The following NECAP2 variants were observed in gnomAD, a reference collection of about 807,000 sequenced individuals.
NECAP2 encodes the protein NECAP endocytosis associated 2.
A neutral mutation model predicts 37.8 loss-of-function variants in NECAP2; 38 were observed. The observed-to-expected ratio is 1.01, with a 90% confidence interval of 0.78 to 1.32. NECAP2 has a LOEUF of 1.32. NECAP2 is among the 40% of genes most tolerant of loss of function. NECAP2 has a pLI of 0.00. For synonymous variants in NECAP2, 121 were observed against 127.7 expected, an observed-to-expected ratio of 0.95 and a Z score of 0.35; for missense variants, 316 against 334.5, an observed-to-expected ratio of 0.94 and a Z score of 0.43.
At chr1:16,455,463 A>T in intron 6 of NECAP2, 1 of 232,650 alleles carries the variant, frequency 4.3e-6, no homozygotes, top group Non-Finnish European at 8.6e-6. Context: ...GACGGGTTAT[A>T]GTAAATTTTA....
chr1:16,456,858 T>C (rs2086928116), intron 7 of NECAP2, among the ~76,000 whole-genome samples: 1 of 152,168 alleles, frequency 6.6e-6, no homozygotes, highest in Admixed American at 6.5e-5. Flanking sequence ...CACATCACCA[T>C]GCCAGCTATT....
intron 2 of NECAP2, among the ~76,000 whole-genome samples, chr1:16,446,944 C>G (rs548786466): frequency 6.6e-6 from 1 of 151,934 alleles, no homozygotes; most frequent in East Asian, 1.9e-4. Context: ...CCTGTAATCC[C>G]AGCTACTTGG....
intron 7 of NECAP2, among the ~76,000 whole-genome samples, chr1:16,457,975 T>C (rs1439609852): frequency 2.6e-5 from 4 of 151,960 alleles, no homozygotes; most frequent in Non-Finnish European, 4.4e-5. Flanking sequence ...CCTCCCAGAG[T>C]GCTGGGATTA....
Position 16,458,878 on chromosome 1 carries a change from G to A in NECAP2, c.780G>A (p.Trp260Ter), listed in dbSNP as rs2086968765. ...GCCAGACCCAGCCAGGCACAGGCTGGGTCCAGTTCTGACCTGAGCACGGTT... is the reference window on the plus strand; with the variant it reads ...GCCAGACCCAGCCAGGCACAGGCTGAGTCCAGTTCTGACCTGAGCACGGTT... ...TSSQTQPGTG[W>*]VQF The change falls in exon 8 of 8, where the codon TGG becomes TGA. Residue 260 changes from tryptophan (W) to a stop codon, truncating the protein, a stop_gained. Transcript: ENST00000337132. LOFTEE classifies it high-confidence loss of function. 1.9e-6 allele frequency: 3 copies of A among 1,613,788 alleles called. No homozygotes were observed. In the South Asian group the frequency reaches 3.3e-5, roughly 18 times the overall value.
intron 7 of NECAP2, among the ~76,000 whole-genome samples, chr1:16,456,197 A>G (rs279018): frequency 0.75 from 113,229 of 151,620 alleles, 43,058 homozygotes; most frequent in African/African-American, 0.87. Context: ...CTAATTTTTT[A>G]TATTTTTAGT....
At chr1:16,457,299 C>A (rs966137922) in intron 7 of NECAP2, among the ~76,000 whole-genome samples, 1 of 152,030 alleles carries the variant, frequency 6.6e-6, no homozygotes, top group African/African-American at 2.4e-5. Context: ...CTACTAAATA[C>A]ACAAAAATTA....
intron 2 of NECAP2, among the ~76,000 whole-genome samples, chr1:16,446,223 A>G (rs2086759857): frequency 6.6e-6 from 1 of 152,168 alleles, no homozygotes; most frequent in Non-Finnish European, 1.5e-5. Flanking sequence ...AAAACAAAAA[A>G]CAAAGTTATC....
rs2086974731 is a variant in NECAP2 at position 16,459,126 on chromosome 1, A to T, written c.*236A>T. ...AACACAGGAGAAGAAAAGCTCCAGG[A>T]TCCCTGTCCCCATCTGTCCTCTTGA... On this transcript the variant is annotated 3_prime_UTR_variant, in exon 8 of 8. Coordinates refer to ENST00000337132, the MANE Select transcript of NECAP2 (RefSeq NM_018090.5). 1.1e-6 allele frequency: 1 copy of T among 880,516 alleles called. No individual in the cohort carries two copies. The highest frequency in any genetic ancestry group is 1.7e-5 in the African/African-American group (1 of 58,930). 54.5% of individuals were successfully genotyped at this position (880,516 alleles called of 1,614,324 possible). A position where few individuals can be genotyped will look rare whatever the true frequency, so the allele number is the denominator to read the frequency against.
intron 7 of NECAP2, 47 bp downstream of exon 7, chr1:16,455,940 C>A (rs371370521): frequency 8.5e-6 from 12 of 1,410,540 alleles, no homozygotes; most frequent in Non-Finnish European, 1.1e-5. Context: ...AGGGCCGTTG[C>A]TCTACAAACC....
rs111421566 is a variant in NECAP2, at chr1:16,443,146, C to T, written c.93-486C>T. On this transcript the variant is annotated intron_variant, in intron 1 of 7. Coordinates refer to ENST00000337132, the MANE Select transcript of NECAP2 (RefSeq NM_018090.5). ...AAACAGAATCAGGCCCCTGCAGCTG[C>T]TGCTTCTATAGAAAGGAAACTGGAA... Among the ~76,000 whole-genome samples the T allele has an allele frequency of 1.0e-3, 158 of 152,362 alleles. 2 individuals are homozygous for T. Among genetic ancestry groups the T allele is most frequent in the African/African-American group, 3.7e-3 (153 of 41,584 alleles).
intron 4 of NECAP2, among the ~76,000 whole-genome samples, 195 bp from the exon 5 acceptor site, chr1:16,448,898 A>G (rs776774588): frequency 5.9e-5 from 9 of 152,118 alleles, no homozygotes; most frequent in Non-Finnish European, 8.8e-5. Flanking sequence ...GAGGAAACCA[A>G]TGTGCATGCC....
chr1:16,444,437 G>T (rs943609834), intron 2 of NECAP2, among the ~76,000 whole-genome samples: 1 of 152,226 alleles, frequency 6.6e-6, no homozygotes, highest in Non-Finnish European at 1.5e-5. Flanking sequence ...AAGAGAAAGT[G>T]CAAAAGTTTA....
rs535012148 is a variant in NECAP2 at position 16,451,562 on chromosome 1, G to A, written c.490-276G>A. 5.8e-5 allele frequency: 26 copies of A among 450,604 alleles called. No homozygotes were observed. The South Asian group carries it at 7.1e-4, about 12-fold the overall frequency. 27.9% of individuals were successfully genotyped at this position (450,604 alleles called of 1,614,324 possible). On this transcript the variant is annotated intron_variant, in intron 5 of 7. Transcript: ENST00000337132. ...TGATAATCTACATTTTAGCCATTCT[G>A]GTGAGCGTGTAATGGTATATCATTA...
chr1:16,455,915 G>C (rs538462677), intron 7 of NECAP2, 22 bp downstream of exon 7: 1 of 1,596,170 alleles, frequency 6.3e-7, no homozygotes, highest in African/African-American at 1.3e-5. Flanking sequence ...CATGTTCTGC[G>C]GAGGGGCTGG....
chr1:16,448,197 A>G (rs2086791043), intron 4 of NECAP2, 56 bp downstream of exon 4: 2 of 1,509,938 alleles, frequency 1.3e-6, no homozygotes, highest in East Asian at 4.5e-5. Flanking sequence ...CCTGGACAGA[A>G]TGATCTCCCA....
intron 2 of NECAP2, among the ~76,000 whole-genome samples, chr1:16,447,522 T>C (rs1056362246): frequency 1.3e-5 from 2 of 152,088 alleles, no homozygotes; most frequent in African/African-American, 4.8e-5. Flanking sequence ...TCAGGTAATA[T>C]AAGTGGGTAA....
At position 16,458,961 on chromosome 1, in the gene NECAP2, G is replaced by C; in HGVS notation, c.*71G>C. On this transcript the variant is annotated 3_prime_UTR_variant, in exon 8 of 8. Coordinates refer to ENST00000337132, the MANE Select transcript of NECAP2 (RefSeq NM_018090.5). The stretch of plus-strand genomic sequence containing the variant: ...TCATCTGGGCCAAAGGAAGGAGGAC[G>C]AAGCCCTCCTCAGCTGGCCTGTGTT... The C allele has an allele frequency of 6.2e-7, 1 of 1,613,170 alleles. No individual in the cohort carries two copies. Among genetic ancestry groups the C allele is most frequent in the Non-Finnish European group, 8.5e-7 (1 of 1,179,596 alleles).
At chr1:16,457,491 A>G (rs1242783802) in intron 7 of NECAP2, among the ~76,000 whole-genome samples, 1 of 152,128 alleles carries the variant, frequency 6.6e-6, no homozygotes, top group East Asian at 1.9e-4. Context: ...GAGGCGTGAA[A>G]TGAGGACTGT....
chr1:16,448,405 T>C (rs2086794227), intron 4 of NECAP2: 1 of 523,814 alleles, frequency 1.9e-6, no homozygotes, highest in South Asian at 2.1e-5. Flanking sequence ...GCAGCCAGAG[T>C]CCTCATCAGG....
Sources: allele counts gnomAD v4.1 joint callset (sites outside exome capture counted in the v4.1 genomes callset), GRCh38; gene constraint gnomAD v4.1.1; transcripts MANE v1.5; gene names NCBI Gene and HGNC (gene_info 2026-07-23, HGNC 2026-07-21).